The following DLG2 variants were observed in gnomAD, a reference collection of about 807,000 sequenced individuals.
DLG2 encodes the protein discs large MAGUK scaffold protein 2, also known as disks large homolog 2.
A neutral mutation model predicts 132.5 loss-of-function variants in DLG2; 45 were observed. The observed-to-expected ratio is 0.34, with a 90% CI of 0.27 to 0.44. The LOEUF (loss-of-function observed/expected upper bound fraction) is 0.44. Ranked by LOEUF, DLG2 falls within the 20% of genes least tolerant of loss-of-function variation. The pLI is 1.00. For missense variants in DLG2, 1,045 were observed against 1,196.9 expected (o/e 0.87, Z 1.87); for synonymous variants, 424 against 419.6 (o/e 1.01, Z -0.13).
chr11:85,195,072 C>A (rs1431393682), intron 4 of DLG2, among the ~76,000 whole-genome samples: 1 of 152,020 alleles, frequency 6.6e-6, no homozygotes, highest in Non-Finnish European at 1.5e-5. Flanking sequence ...GCTCTGAAGC[C>A]CAGGAAGAAC....
At chr11:83,759,703 G>A (rs2093816392) in intron 18 of DLG2, among the ~76,000 whole-genome samples, 1 of 152,210 alleles carries the variant, frequency 6.6e-6, no homozygotes, top group Non-Finnish European at 1.5e-5. Flanking sequence ...AGACCTAGGA[G>A]GGCTTTGTAC....
chr11:84,907,122 T>A (rs1480150169), intron 6 of DLG2, among the ~76,000 whole-genome samples: 1 of 152,168 alleles, frequency 6.6e-6, no homozygotes, highest in Non-Finnish European at 1.5e-5. Context: ...ACCATGGAAA[T>A]GAGACTGCAT....
At position 83,930,415 on chromosome 11, in the gene DLG2, GA is replaced by G; in HGVS notation, c.1408del (p.Ser470ProfsTer20). ...GAAGCTTTTGTCACACTCAACAGGG[GA>G]ATAGTGCCTGGGAGAAGCAGGCTTA... is the stretch of plus-strand genomic sequence containing the variant. ...CDKPASPRHY[S>X]PVECDKSFLL... On this transcript the variant is annotated frameshift_variant, in exon 15 of 28. Transcript: ENST00000376104. LOFTEE classifies it high-confidence loss of function. 1 of 1,614,038 alleles carries G rather than the reference GA, an allele frequency of 6.2e-7. No homozygotes were observed. The highest frequency in any genetic ancestry group is 8.5e-7 in the Non-Finnish European group (1 of 1,179,918).
chr11:83,758,404 G>A (rs1345767219), intron 18 of DLG2, among the ~76,000 whole-genome samples: 1 of 152,142 alleles, frequency 6.6e-6, no homozygotes, highest in African/African-American at 2.4e-5. Flanking sequence ...TACCAGCCAT[G>A]TTCCTTTTCC....
At chr11:84,863,711 A>G (rs1398108726) in intron 6 of DLG2, among the ~76,000 whole-genome samples, 2 of 152,318 alleles carry the variant, frequency 1.3e-5, no homozygotes, top group African/African-American at 4.8e-5. Flanking sequence ...TGGAAAGATA[A>G]ATACAGTTAA....
intron 15 of DLG2, among the ~76,000 whole-genome samples, chr11:83,928,223 G>T (rs549319337): frequency 6.6e-6 from 1 of 151,878 alleles, no homozygotes; most frequent in Admixed American, 6.6e-5. Context: ...TGGGGGTTGG[G>T]GCCTGGTGCA....
chr11:84,710,537 T>A (rs2060266636), intron 6 of DLG2, among the ~76,000 whole-genome samples: 1 of 151,906 alleles, frequency 6.6e-6, no homozygotes, highest in Non-Finnish European at 1.5e-5. Flanking sequence ...TAAAATAATA[T>A]CATTATTATT....
chr11:83,917,147 A>T (rs2077046075), intron 15 of DLG2, among the ~76,000 whole-genome samples: 1 of 152,172 alleles, frequency 6.6e-6, no homozygotes, highest in Admixed American at 6.5e-5. Context: ...AATGACAATT[A>T]CCCTCACCTT....
At chr11:83,957,554 CTT>C (rs10713628) in intron 14 of DLG2, among the ~76,000 whole-genome samples, 1,434 of 142,694 alleles carry the variant, frequency 0.01, 15 homozygotes, top group Middle Eastern at 0.03. Flanking sequence ...GCAGCCAGAA[CTT>C]TTTTTTTTTT....
intron 7 of DLG2, among the ~76,000 whole-genome samples, chr11:84,457,776 A>G (rs1167966615): frequency 6.6e-6 from 1 of 151,014 alleles, no homozygotes; most frequent in African/African-American, 2.4e-5. Flanking sequence ...TTCCAAAGTT[A>G]TATTTATAAT....
At chr11:85,347,640 GTTAA>G (rs1032009224) in intron 3 of DLG2, among the ~76,000 whole-genome samples, 3 of 151,908 alleles carry the variant, frequency 2.0e-5, no homozygotes, top group Admixed American at 6.6e-5. Flanking sequence ...CCCCCATGAT[GTTAA>G]TTAATCTGTA....
At chr11:84,892,264 G>A (rs551879838) in intron 6 of DLG2, among the ~76,000 whole-genome samples, 1 of 152,166 alleles carries the variant, frequency 6.6e-6, no homozygotes. Flanking sequence ...GGATGTGCAG[G>A]ATGGCATGGT....
intron 6 of DLG2, among the ~76,000 whole-genome samples, chr11:85,062,098 T>C (rs1245667421): frequency 6.6e-6 from 1 of 151,920 alleles, no homozygotes; most frequent in Non-Finnish European, 1.5e-5. Flanking sequence ...ATTATTATAC[T>C]GATAAAATCT....
intron 6 of DLG2, among the ~76,000 whole-genome samples, chr11:85,069,155 G>A (rs2065389146): frequency 6.6e-6 from 1 of 151,090 alleles, no homozygotes; most frequent in African/African-American, 2.4e-5. Context: ...ATTAATTCAA[G>A]ATGGATTAAA....
chr11:85,293,391 C>T (rs763994857), intron 3 of DLG2, among the ~76,000 whole-genome samples: 9 of 152,030 alleles, frequency 5.9e-5, no homozygotes, highest in Admixed American at 1.3e-4. Context: ...ATAGTGAGAC[C>T]TCATCTCTGC....
At chr11:84,714,617 T>TCTCTCTCTCTCTCTCTCTCTC (rs2060938628) in intron 6 of DLG2, among the ~76,000 whole-genome samples, 1 of 96,606 alleles carries the variant, frequency 1.0e-5, no homozygotes, top group African/African-American at 4.4e-5. Flanking sequence ...CTCTTTCTCT[T>TCTCTCTCTCTCTCTCTCTCTC]TCTCTTTCTC....
intron 2 of DLG2, among the ~76,000 whole-genome samples, chr11:85,606,762 C>T (rs183273755): frequency 6.6e-5 from 10 of 152,236 alleles, no homozygotes; most frequent in African/African-American, 1.2e-4. Flanking sequence ...CTGAAGTCAG[C>T]GAGACCATAA....
At chr11:84,104,781 T>A (rs1440228707) in intron 9 of DLG2, among the ~76,000 whole-genome samples, 2 of 152,048 alleles carry the variant, frequency 1.3e-5, no homozygotes, top group Non-Finnish European at 2.9e-5. Flanking sequence ...AAGGAGATTT[T>A]AAAAAATTAT....
intron 6 of DLG2, among the ~76,000 whole-genome samples, chr11:84,971,645 T>G (rs1248916994): frequency 6.6e-6 from 1 of 152,112 alleles, no homozygotes; most frequent in African/African-American, 2.4e-5. Context: ...TTAGAATGAC[T>G]CCTGGATAAC....
Sources: allele counts gnomAD v4.1 joint callset (sites outside exome capture counted in the v4.1 genomes callset), GRCh38; gene constraint gnomAD v4.1.1; transcripts MANE v1.5; gene names NCBI Gene and HGNC (gene_info 2026-07-23, HGNC 2026-07-21).